Variants in NLRP7 observed in about 807,000 individuals in gnomAD.
The protein encoded by NLRP7 is NLR family pyrin domain containing 7, also known as NACHT, LRR and PYD domains-containing protein 7.
NLRP7 carries 72 observed loss-of-function variants against 85.5 expected under a neutral mutation model. That is an observed-to-expected ratio of 0.84 (90% CI 0.70 to 1.02). NLRP7 has a LOEUF of 1.02. Ranked by LOEUF, NLRP7 falls within the 50% of genes least tolerant of loss-of-function variation. The pLI is 0.00. For missense variants in NLRP7, 1,243 were observed against 1,219.5 expected, an observed-to-expected ratio of 1.02 and a Z score of -0.29; for synonymous variants, 550 against 505.2, an observed-to-expected ratio of 1.09 and a Z score of -1.19.
intron 2 of NLRP7, 21 bp from the exon 3 acceptor site, chr19:54,941,026 A>G: frequency 6.6e-7 from 1 of 1,504,320 alleles, no homozygotes; most frequent in Non-Finnish European, 9.3e-7. Context: ...CTTAGATGTA[A>G]GCCTGACACA....
chr19:54,926,452 A>T (rs1294758681), intron 9 of NLRP7, among the ~76,000 whole-genome samples: 1 of 151,994 alleles, frequency 6.6e-6, no homozygotes, highest in African/African-American at 2.4e-5. Context: ...TCCCAAAAAA[A>T]CTCTTCTCTG....
rs59047056 is a variant in NLRP7 at position 54,933,966 on chromosome 19, G to A, written c.2472-227C>T. 3.8e-3 allele frequency among the ~76,000 whole-genome samples: 580 copies of A among 152,182 alleles called. 1 individual carries two copies. The highest frequency in any genetic ancestry group is 0.013 in the African/African-American group (544 of 41,530). On this transcript the variant is annotated intron_variant, in intron 7 of 9. Coordinates refer to ENST00000340844, the Ensembl canonical transcript of NLRP7. ...AGGACACAGGTGTTGTTTTTGAGAC[G>A]GAGTCTCGCTCTGTCGCCCAGGCTG... is the stretch of plus-strand genomic sequence containing the variant.
chr19:54,942,326 T>C (rs116664265), intron 1 of NLRP7, among the ~76,000 whole-genome samples: 1,658 of 150,146 alleles, frequency 0.011, 26 homozygotes, highest in African/African-American at 0.037. Flanking sequence ...GGCCAGCCCG[T>C]GCTGCCTAAT....
chr19:54,939,604 G>A (rs762977273), exon 4 of NLRP7: 6 of 1,611,128 alleles, frequency 3.7e-6, no homozygotes, highest in East Asian at 4.5e-5. Context: ...GCAGCTGTGC[G>A]CCCTGCGGGA....
At chr19:54,941,534 T>C in exon 2 of NLRP7, 2 of 1,614,096 alleles carry the variant, frequency 1.2e-6, no homozygotes, top group South Asian at 1.1e-5. Flanking sequence ...GAGGAGGTGT[T>C]GACCAGAATT....
intron 1 of NLRP7, among the ~76,000 whole-genome samples, chr19:54,962,768 T>TTTC (rs1420354845): frequency 1.3e-5 from 2 of 149,622 alleles, no homozygotes; most frequent in Non-Finnish European, 3.0e-5. Flanking sequence ...CCCGGCTAAT[T>TTTC]TTTTGTATTT....
rs553397216 is a variant in NLRP7, at chr19:54,935,721, T to C, written c.2300+540A>G. ...AAAAAAAAAAAAAAAAAGATTCTCATTGAGTGCAGAGAAGGTTGCATGCTC... is the reference window on the plus strand; with the variant it reads ...AAAAAAAAAAAAAAAAAGATTCTCACTGAGTGCAGAGAAGGTTGCATGCTC... On this transcript the variant is annotated intron_variant, in intron 6 of 9. Coordinates refer to ENST00000340844, the Ensembl canonical transcript of NLRP7. 2.3e-4 allele frequency among the ~76,000 whole-genome samples: 35 copies of C among 151,564 alleles called. No individual in the cohort carries two copies. The South Asian group carries it at 6.7e-3, about 29-fold the overall frequency.
chr19:54,943,607 GGGGGC>G (rs141708836), intron 1 of NLRP7, among the ~76,000 whole-genome samples: 4,043 of 151,848 alleles, frequency 0.027, 192 homozygotes, highest in African/African-American at 0.092. Flanking sequence ...TCTGGGTTGG[GGGGGC>G]GGGGGGAAGA....
In NLRP7 at chr19:54,946,153, C is replaced by T. The variant is rs544507020; in HGVS notation, c.-40+1316G>A. ...AACTCCTGACCTCAGCTGATCCACC[C>T]GCCTCGGCCTCCCAAAGTGCTGGGA... On this transcript the variant is annotated intron_variant, in intron 1 of 9. Transcript: ENST00000340844. 7.3e-5 allele frequency among the ~76,000 whole-genome samples: 11 copies of T among 151,686 alleles called. No individual in the cohort carries two copies. In the East Asian group the frequency reaches 1.2e-3, roughly 16 times the overall value.
chr19:54,944,552 T>C (rs950302805), intron 1 of NLRP7, among the ~76,000 whole-genome samples: 116 of 152,166 alleles, frequency 7.6e-4, no homozygotes, highest in African/African-American at 2.5e-3. Context: ...GCGGGTCTCC[T>C]GAGCCCACTT....
At chr19:54,960,429 T>C (rs1026702620) in intron 1 of NLRP7, among the ~76,000 whole-genome samples, 8 of 151,642 alleles carry the variant, frequency 5.3e-5, no homozygotes, top group African/African-American at 1.9e-4. Flanking sequence ...GTGCTGGGAT[T>C]ACAGCCTTAA....
intron 1 of NLRP7, among the ~76,000 whole-genome samples, chr19:54,943,727 G>T (rs1022038725): frequency 6.6e-6 from 1 of 152,150 alleles, no homozygotes; most frequent in Non-Finnish European, 1.5e-5. Flanking sequence ...TTTTTCCCCA[G>T]CTGTGACGTG....
At chr19:54,962,752 AC>A (rs2070097313) in intron 1 of NLRP7, among the ~76,000 whole-genome samples, 1 of 150,020 alleles carries the variant, frequency 6.7e-6, no homozygotes. Flanking sequence ...GGCGCCCGCC[AC>A]CACGCCCGGC....
At chr19:54,926,783 G>T (rs557716190) in intron 9 of NLRP7, among the ~76,000 whole-genome samples, 12 of 152,020 alleles carry the variant, frequency 7.9e-5, no homozygotes, top group Admixed American at 3.9e-4. Flanking sequence ...GGGTGTGGTG[G>T]CGAGCGACTG....
At chr19:54,944,120 C>T (rs1330395738) in intron 1 of NLRP7, among the ~76,000 whole-genome samples, 2 of 152,008 alleles carry the variant, frequency 1.3e-5, no homozygotes, top group Admixed American at 6.6e-5. Context: ...AGGGAAAGAC[C>T]AGACCGTACC....
chr19:54,962,163 CAA>C (rs113089944), intron 1 of NLRP7, among the ~76,000 whole-genome samples: 54 of 106,878 alleles, frequency 5.1e-4, no homozygotes, highest in East Asian at 8.4e-4. Flanking sequence ...AACTCCATCT[CAA>C]AAAAAAAAAA....
intron 1 of NLRP7, among the ~76,000 whole-genome samples, chr19:54,964,392 A>AG (rs1335559184): frequency 6.7e-6 from 1 of 149,056 alleles, no homozygotes. Flanking sequence ...AATTTTTTGT[A>AG]TTTTTAGTAG....
chr19:54,963,432 G>A (rs1052908891), intron 1 of NLRP7, among the ~76,000 whole-genome samples: 3 of 152,030 alleles, frequency 2.0e-5, no homozygotes, highest in Non-Finnish European at 4.4e-5. Flanking sequence ...GTTCGTGCCT[G>A]CAACCCAAGC....
chr19:54,938,830 GGCAAAGGAGAC>G, intron 4 of NLRP7, 47 bp downstream of exon 4: 2 of 1,589,480 alleles, frequency 1.3e-6, no homozygotes, highest in Non-Finnish European at 1.7e-6. Context: ...TAAGCGACAG[GGCAAAGGAGAC>G]GCTGGCCTCT....
Sources: gnomAD v4.1 joint callset for allele counts (sites outside exome capture counted in the v4.1 genomes callset) on GRCh38, gnomAD v4.1.1 for gene constraint, MANE v1.5 for transcripts, NCBI Gene and HGNC (gene_info 2026-07-23, HGNC 2026-07-21) for gene names.